ZSCAN22: variants seen among roughly 807,000 people sequenced by gnomAD.
ZSCAN22 encodes zinc finger and SCAN domain containing 22, also known as zinc finger and SCAN domain-containing protein 22.
ZSCAN22 carries 7 observed loss-of-function variants against 12.4 expected under a neutral mutation model. That is an observed-to-expected ratio of 0.57 (90% CI 0.32 to 1.06). The LOEUF (loss-of-function observed/expected upper bound fraction) is 1.06. ZSCAN22 is among the 50% of genes least tolerant of loss of function. ZSCAN22 has a pLI of 0.04. For missense variants in ZSCAN22, 576 were observed against 631.7 expected, an observed-to-expected ratio of 0.91 and a Z score of 0.94; for synonymous variants, 243 against 255.9, an observed-to-expected ratio of 0.95 and a Z score of 0.48.
intron 1 of ZSCAN22, among the ~76,000 whole-genome samples, chr19:58,331,550 T>TATTATC (rs1555777662): frequency 6.3e-4 from 85 of 135,404 alleles, no homozygotes; most frequent in African/African-American, 2.1e-3. Flanking sequence ...TTATTATTAT[T>TATTATC]ATTATTATTA....
At chr19:58,332,817 G>A (rs760569511) in intron 1 of ZSCAN22, among the ~76,000 whole-genome samples, 4 of 152,274 alleles carry the variant, frequency 2.6e-5, no homozygotes, top group South Asian at 4.1e-4. Flanking sequence ...GGGTCTATAC[G>A]TAGGAGTAGA....
intron 2 of ZSCAN22, among the ~76,000 whole-genome samples, chr19:58,337,995 A>G (rs560499167): frequency 1.3e-5 from 2 of 152,358 alleles, no homozygotes; most frequent in African/African-American, 4.8e-5. Flanking sequence ...CTTGAGCCAA[A>G]ATTGGGAGCC....
intron 1 of ZSCAN22, among the ~76,000 whole-genome samples, chr19:58,327,468 C>T (rs1190385684): frequency 1.3e-5 from 2 of 152,062 alleles, no homozygotes; most frequent in Non-Finnish European, 2.9e-5. Flanking sequence ...GACTGATTGA[C>T]CGGGTGTGGG....
Position 58,339,294 on chromosome 19 carries a change from C to G in ZSCAN22, c.1444C>G (p.His482Asp), listed in dbSNP as rs774131529. Residue 482 changes from histidine to aspartate, a missense_variant, in exon 3 of 3, where the codon CAC (histidine) becomes GAC (aspartate). By Grantham distance (81) the His-to-Asp change is moderately conservative. Transcript: ENST00000329665. The surrounding 1 kb of genome is among the most constrained non-coding windows in gnomAD (Gnocchi z 5.6). ...CAGTCGTAGCTCAGCCCTGATGGTT[C>G]ACTTGCGGATCCACATCACGGTGCT... ...AFSRSSALMV[H>D]LRIHITVLQ is the part of the protein sequence containing the mutation. 7 of 1,611,934 alleles carry G rather than the reference C, an allele frequency of 4.3e-6. No homozygotes were observed. In the South Asian group the frequency reaches 7.7e-5, roughly 18 times the overall value.
At chr19:58,331,215 CT>C (rs60442054) in intron 1 of ZSCAN22, among the ~76,000 whole-genome samples, 3,132 of 131,408 alleles carry the variant, frequency 0.024, 87 homozygotes, top group African/African-American at 0.081. Flanking sequence ...ATCAAATGCA[CT>C]TTTTTTTTTT....
intron 2 of ZSCAN22, among the ~76,000 whole-genome samples, chr19:58,337,769 G>A (rs2051814477): frequency 1.4e-5 from 1 of 74,030 alleles, no homozygotes; most frequent in Non-Finnish European, 2.7e-5. Context: ...GCAAGGTGTC[G>A]AGTGTGAGGG....
At position 58,339,137 on chromosome 19, in the gene ZSCAN22, C is replaced by G. The variant is rs1347436010; in HGVS notation, c.1287C>G (p.Ile429Met). Reference sequence around the variant, plus strand: ...CAGCCCTGATCCGACATCTGAGAATCCACTCTGGAGAGAAGCCATATCAGT... The same window carrying G: ...CAGCCCTGATCCGACATCTGAGAATGCACTCTGGAGAGAAGCCATATCAGT... Reference protein sequence around the residue: ...DCSALIRHLRIHSGEKPYQCK... With the variant: ...DCSALIRHLRMHSGEKPYQCK... Residue 429 changes from isoleucine to methionine, a missense_variant, in exon 3 of 3, where the codon ATC (isoleucine) becomes ATG (methionine). Physicochemically the swap from Ile to Met is conservative, Grantham distance 10. Transcript: ENST00000329665. The surrounding 1 kb of genome is among the most constrained non-coding windows in gnomAD (Gnocchi z 5.6). 1 of 1,614,242 alleles carries G rather than the reference C, an allele frequency of 6.2e-7. No individual in the cohort carries two copies. Among genetic ancestry groups the G allele is most frequent in the East Asian group, 2.2e-5 (1 of 44,882 alleles).
rs1555778673 is a variant in ZSCAN22, at chr19:58,340,480, C to CTTTTCT, written c.*1158_*1159insCTTTTT. On this transcript the variant is annotated 3_prime_UTR_variant, in exon 3 of 3. Coordinates refer to ENST00000329665, the MANE Select transcript of ZSCAN22 (RefSeq NM_181846.3). The stretch of plus-strand genomic sequence containing the variant: ...CTTCTTTTTCTTTTTCTTTTCTTTT[C>CTTTTCT]TTTTTTTTTTTTTGAGATGGAGTCT... 4.0e-4 allele frequency: 57 copies of CTTTTCT among 142,388 alleles called. No homozygotes were observed. Among genetic ancestry groups the CTTTTCT allele is most frequent in the African/African-American group, 1.3e-3 (47 of 36,768 alleles). The allele number at this position is 142,388 out of a possible 1,614,324, so 8.8% of individuals were successfully genotyped here.
Position 58,338,998 on chromosome 19 carries a change from A to C in ZSCAN22, c.1148A>C (p.Asp383Ala), listed in dbSNP as rs1244980482. ...ACGGGGGAGCGGCCCTACGAGTGTG[A>C]CGCGTGTGGGAAAGCCTTCAGCCAG... Reference protein sequence around the residue: ...VHTGERPYECDACGKAFSQST... With the variant: ...VHTGERPYECAACGKAFSQST... The change falls in exon 3 of 3, where the codon GAC becomes GCC. Residue 383 changes from aspartate (D) to alanine (A), a missense_variant. Coordinates refer to ENST00000329665, the MANE Select transcript of ZSCAN22 (RefSeq NM_181846.3). The surrounding 1 kb of genome is among the most constrained non-coding windows in gnomAD (Gnocchi z 5.4). 6.2e-7 allele frequency: 1 copy of C among 1,611,814 alleles called. No homozygotes were observed. The highest frequency in any genetic ancestry group is 1.1e-5 in the South Asian group (1 of 90,968).
At chr19:58,334,506 G>T (rs1160208303) in intron 1 of ZSCAN22, among the ~76,000 whole-genome samples, 8 of 152,168 alleles carry the variant, frequency 5.3e-5, no homozygotes, top group African/African-American at 1.9e-4. Context: ...TTTTAGTAGA[G>T]ACGGGGTTTC....
rs1380064868 is a variant in ZSCAN22 at position 58,338,303 on chromosome 19, C to T, written c.453C>T (p.Asp151=). 2 of 1,611,788 alleles carry T rather than the reference C, an allele frequency of 1.2e-6. No homozygotes were observed. The highest frequency in any genetic ancestry group is 8.5e-7 in the Non-Finnish European group (1 of 1,178,484). Residue 151 remains aspartate (D), a synonymous_variant, in exon 3 of 3, where the codon GAC becomes GAT. Transcript: ENST00000329665. The surrounding 1 kb of genome is among the most constrained non-coding windows in gnomAD (Gnocchi z 5.4). ...CAGAGGCAAGCTGCAAGCAGAGTGA[C>T]CTGGGAGAGTCAGAGCCATCAAATG... The part of the protein sequence containing the change: ...EPTEASCKQS[D]LGESEPSNVT...
intron 1 of ZSCAN22, among the ~76,000 whole-genome samples, chr19:58,330,057 G>A (rs1489744527): frequency 1.3e-5 from 2 of 152,222 alleles, no homozygotes; most frequent in Non-Finnish European, 2.9e-5. Flanking sequence ...GGGAGGCTGA[G>A]GTGGGCGGAA....
intron 2 of ZSCAN22, among the ~76,000 whole-genome samples, chr19:58,337,356 T>C (rs1303628687): frequency 6.6e-6 from 1 of 151,312 alleles, no homozygotes; most frequent in Non-Finnish European, 1.5e-5. Context: ...AGGGGACACA[T>C]CCAGGCCTAG....
rs902241818 is a variant in ZSCAN22 at position 58,341,102 on chromosome 19, G to T, written c.*1776G>T. On this transcript the variant is annotated 3_prime_UTR_variant, in exon 3 of 3. Coordinates refer to ENST00000329665, the MANE Select transcript of ZSCAN22 (RefSeq NM_181846.3). Reference sequence around the variant, plus strand: ...CACCGTGCTGTCTCTGCCCCACATTGTCCTTATGTATGTTTACATGGATGT... The same window carrying T: ...CACCGTGCTGTCTCTGCCCCACATTTTCCTTATGTATGTTTACATGGATGT... The T allele has an allele frequency of 1.3e-5, 2 of 152,106 alleles. No homozygotes were observed. The highest frequency in any genetic ancestry group is 2.9e-5 in the Non-Finnish European group (2 of 68,032). 9.4% of individuals were successfully genotyped at this position (152,106 alleles called of 1,614,324 possible).
At position 58,335,062 on chromosome 19, in the gene ZSCAN22, A is replaced by G; in HGVS notation, c.260A>G (p.Gln87Arg). The change falls in exon 2 of 3, where the codon CAG becomes CGG. Residue 87 changes from glutamine to arginine, a missense_variant. By Grantham distance (43) the Gln-to-Arg change is conservative (BLOSUM62 1). Coordinates refer to ENST00000329665, the MANE Select transcript of ZSCAN22 (RefSeq NM_181846.3). This position sits in a 1 kb window ranked among gnomAD's most constrained non-coding sequence, Gnocchi z 4.1. ...WLQPEAHSKE[Q>R]ILELLVLEQF... ...CAGCCCGAGGCGCACTCCAAGGAGC[A>G]GATACTGGAGCTGCTGGTGCTGGAG... is the stretch of plus-strand genomic sequence containing the variant. The G allele has an allele frequency of 1.2e-6, 2 of 1,614,108 alleles. No individual in the cohort carries two copies. The highest frequency in any genetic ancestry group is 1.3e-5 in the African/African-American group (1 of 75,050).
rs1055983724 is a variant in ZSCAN22 at position 58,340,004 on chromosome 19, A to C, written c.*678A>C. 2 of 152,596 alleles carry C rather than the reference A, an allele frequency of 1.3e-5. No homozygotes were observed. Among genetic ancestry groups the C allele is most frequent in the African/African-American group, 2.4e-5 (1 of 41,422 alleles). 9.5% of individuals were successfully genotyped at this position (152,596 alleles called of 1,614,324 possible). On this transcript the variant is annotated 3_prime_UTR_variant, in exon 3 of 3. Coordinates refer to ENST00000329665, the MANE Select transcript of ZSCAN22 (RefSeq NM_181846.3). ...GCGCTATTGTTTTAACCTAAAGCTT[A>C]TCTGTAATTCACCTCCTTTTCCACC...
In ZSCAN22 at chr19:58,336,108, C is replaced by T. The variant is rs554790556; in HGVS notation, c.403+903C>T. On this transcript the variant is annotated intron_variant, in intron 2 of 2. Coordinates refer to ENST00000329665, the MANE Select transcript of ZSCAN22 (RefSeq NM_181846.3). ...ATCATCAAGGCTCAGTAGATCCAACCGCTGCTGCTCTTCCTGGCCATGTGA... is the reference window on the plus strand; with the variant it reads ...ATCATCAAGGCTCAGTAGATCCAACTGCTGCTGCTCTTCCTGGCCATGTGA... Among the ~76,000 whole-genome samples, 14 of 152,262 alleles carry T rather than the reference C, an allele frequency of 9.2e-5. No individual in the cohort carries two copies. The South Asian group carries it at 1.5e-3, about 16-fold the overall frequency.
chr19:58,334,118 G>T (rs2051759776), intron 1 of ZSCAN22, among the ~76,000 whole-genome samples: 1 of 152,212 alleles, frequency 6.6e-6, no homozygotes, highest in African/African-American at 2.4e-5. Context: ...GGAACAGAGG[G>T]AGAAAGACTT....
rs2051820315 is a variant in ZSCAN22 at position 58,338,213 on chromosome 19, G to A, written c.404-41G>A. The A allele has an allele frequency of 6.5e-7, 1 of 1,537,138 alleles. No individual in the cohort carries two copies. Among genetic ancestry groups the A allele is most frequent in the Non-Finnish European group, 8.8e-7 (1 of 1,132,828 alleles). On this transcript the variant is annotated intron_variant, in intron 2 of 2. Coordinates refer to ENST00000329665, the MANE Select transcript of ZSCAN22 (RefSeq NM_181846.3). This position sits in a 1 kb window ranked among gnomAD's most constrained non-coding sequence, Gnocchi z 5.4. ...CCCTCGGCAGAGTAGGGGAGGCTTG[G>A]TGTGGTAGGAGGAGTGACAGTGTGG...
Sources: allele counts gnomAD v4.1 joint callset (sites outside exome capture counted in the v4.1 genomes callset), GRCh38; gene constraint gnomAD v4.1.1; non-coding constraint Gnocchi (gnomAD v3.1); transcripts MANE v1.5; gene names NCBI Gene and HGNC (gene_info 2026-07-23, HGNC 2026-07-21).